RP1: variants seen among roughly 807,000 people sequenced by gnomAD.
RP1 encodes the protein RP1 axonemal microtubule associated.
A neutral mutation model predicts 14.8 loss-of-function variants in RP1; 16 were observed. That is an observed-to-expected ratio of 1.08 (90% CI 0.73 to 1.65). The LOEUF is 1.65. Ranked by LOEUF, RP1 falls within the 40% of genes most tolerant of loss-of-function variation. RP1 has a pLI of 0.00. For missense variants in RP1, 2,631 were observed against 2,535.0 expected, an observed-to-expected ratio of 1.04 and a Z score of -0.81; for synonymous variants, 876 against 883.6, an observed-to-expected ratio of 0.99 and a Z score of 0.15.
intron 3 of RP1, among the ~76,000 whole-genome samples, chr8:54,624,044 T>C (rs1163879907): frequency 2.6e-5 from 4 of 152,218 alleles, no homozygotes; most frequent in Admixed American, 2.6e-4. Context: ...GTTAAAATTC[T>C]CTGAACCTCC....
At chr8:54,760,872 A>AT (rs1215593737) in intron 22 of RP1, among the ~76,000 whole-genome samples, 8 of 151,964 alleles carry the variant, frequency 5.3e-5, no homozygotes, top group African/African-American at 1.9e-4. Context: ...AACTACAAAG[A>AT]TTTTTTCTCT....
At chr8:54,690,317 G>T (rs939472870) in intron 12 of RP1, among the ~76,000 whole-genome samples, 2 of 151,940 alleles carry the variant, frequency 1.3e-5, no homozygotes, top group African/African-American at 4.8e-5. Flanking sequence ...CTCTGTACTT[G>T]GTTCTAATTA....
intron 3 of RP1, among the ~76,000 whole-genome samples, chr8:54,639,288 G>T (rs1290467493): frequency 6.6e-6 from 1 of 152,130 alleles, no homozygotes; most frequent in Non-Finnish European, 1.5e-5. Context: ...GTATTTCATT[G>T]TATGTACATA....
At chr8:54,813,158 C>A (rs6998886) in intron 24 of RP1, among the ~76,000 whole-genome samples, 3 of 152,044 alleles carry the variant, frequency 2.0e-5, no homozygotes, top group Non-Finnish European at 4.4e-5. Context: ...TCGAGCAGTT[C>A]CCGAAGTCTA....
chr8:54,741,707 G>GTATATATA (rs372225314), intron 19 of RP1, among the ~76,000 whole-genome samples: 740 of 57,942 alleles, frequency 0.013, 17 homozygotes, highest in Non-Finnish European at 0.016. Flanking sequence ...AAATGTGTGT[G>GTATATATA]TATATATATA....
At chr8:54,659,918 T>G (rs1208884150) in intron 6 of RP1, among the ~76,000 whole-genome samples, 2 of 152,206 alleles carry the variant, frequency 1.3e-5, no homozygotes, top group African/African-American at 4.8e-5. Context: ...TCACTGTACA[T>G]ATCTTTTGCT....
intron 15 of RP1, among the ~76,000 whole-genome samples, chr8:54,715,292 C>T (rs1321957050): frequency 6.6e-6 from 1 of 152,156 alleles, no homozygotes; most frequent in Non-Finnish European, 1.5e-5. Flanking sequence ...TAGGAAGGCG[C>T]ACCTTTTGCA....
intron 25 of RP1, among the ~76,000 whole-genome samples, chr8:54,840,056 AT>A (rs1371110159): frequency 1.3e-5 from 2 of 152,028 alleles, no homozygotes; most frequent in African/African-American, 2.4e-5. Flanking sequence ...AAGATTTAGA[AT>A]TTTGGTTTCT....
chr8:54,570,477 C>T lies in RP1; in HGVS notation c.-13+11157C>T, dbSNP rs537050678. Among the ~76,000 whole-genome samples, 24 of 151,628 alleles carry T rather than the reference C, an allele frequency of 1.6e-4. No individual in the cohort carries two copies. The East Asian group carries it at 3.9e-3, about 25-fold the overall frequency. The stretch of plus-strand genomic sequence containing the variant: ...CTGAGTAGCTGGGATTACAGGAATG[C>T]GCCACCATGCCCAGCTAATTTTTAT... On this transcript the variant is annotated intron_variant, in intron 1 of 22. Transcript: ENST00000636932.
intron 11 of RP1, chr8:54,679,707 C>T (rs1436845350): frequency 1.3e-6 from 2 of 1,519,608 alleles, no homozygotes; most frequent in African/African-American, 1.4e-5. Context: ...ACAAAACAGC[C>T]TATAGAGTTT....
chr8:54,685,392 T>C (rs1807540484), intron 12 of RP1, among the ~76,000 whole-genome samples: 1 of 152,204 alleles, frequency 6.6e-6, no homozygotes, highest in African/African-American at 2.4e-5. Flanking sequence ...TCTTGATTTC[T>C]GCCTTAATTT....
chr8:54,626,913 T>C lies in RP1; in HGVS notation c.3031T>C (p.Ser1011Pro). Residue 1011 changes from serine (S) to proline (P), a missense_variant, in exon 4 of 4, where the codon TCT (serine) becomes CCT (proline). Transcript: ENST00000220676. Reference protein sequence around the residue: ...EEDLHETQVGSLNDAYLVPLH... With the variant: ...EEDLHETQVGPLNDAYLVPLH... ...AGATCTCCATGAGACACAGGTTGGA[T>C]CTCTGAATGATGCTTATTTGGTTCC... 4.3e-6 allele frequency: 7 copies of C among 1,613,898 alleles called. No individual in the cohort carries two copies. Among genetic ancestry groups the C allele is most frequent in the Non-Finnish European group, 5.9e-6 (7 of 1,179,954 alleles).
At position 54,590,447 on chromosome 8, in the gene RP1, A is replaced by G. The variant is rs112681577; in HGVS notation, c.-12-30508A>G. Among the ~76,000 whole-genome samples the G allele has an allele frequency of 8.1e-3, 1,225 of 152,122 alleles. 10 individuals are homozygous for G. The highest frequency in any genetic ancestry group is 0.027 in the African/African-American group (1,140 of 41,482). On this transcript the variant is annotated intron_variant, in intron 1 of 22. Transcript: ENST00000636932. ...GCACAAGCAGTGATTTATATACCCA[A>G]TCAGGGGTGCTCACCCAGCCTAACC...
intron 24 of RP1, among the ~76,000 whole-genome samples, chr8:54,803,328 C>T (rs1008420093): frequency 3.9e-5 from 6 of 152,110 alleles, no homozygotes; most frequent in African/African-American, 7.2e-5. Context: ...CTGTTGATAA[C>T]ACAATTAGAT....
At chr8:54,737,595 G>A (rs540350006) in intron 18 of RP1, among the ~76,000 whole-genome samples, 2 of 152,180 alleles carry the variant, frequency 1.3e-5, no homozygotes, top group African/African-American at 2.4e-5. Flanking sequence ...GAATAAGGAA[G>A]TGGGGGGAAA....
chr8:54,638,311 A>G (rs1265333471), intron 3 of RP1, among the ~76,000 whole-genome samples: 1 of 151,882 alleles, frequency 6.6e-6, no homozygotes, highest in Admixed American at 6.6e-5. Context: ...GGTGTTGTGC[A>G]CCTGTAATCT....
At chr8:54,845,916 G>A (rs987862352) in intron 25 of RP1, among the ~76,000 whole-genome samples, 3 of 152,148 alleles carry the variant, frequency 2.0e-5, no homozygotes, top group Admixed American at 1.3e-4. Context: ...TGGTCCTAAT[G>A]TTCTATGCAT....
intron 1 of RP1, among the ~76,000 whole-genome samples, chr8:54,578,499 C>T (rs796330234): frequency 1.3e-4 from 20 of 152,236 alleles, no homozygotes; most frequent in African/African-American, 4.1e-4. Context: ...TGAGCCACTG[C>T]ACCTGACCTA....
At chr8:54,850,125 A>T (rs966979442) in intron 25 of RP1, among the ~76,000 whole-genome samples, 4 of 152,210 alleles carry the variant, frequency 2.6e-5, no homozygotes, top group African/African-American at 7.2e-5. Flanking sequence ...TCCAACATAG[A>T]TGGATAACCA....
Sources: gnomAD v4.1 joint callset for allele counts (sites outside exome capture counted in the v4.1 genomes callset) on GRCh38, gnomAD v4.1.1 for gene constraint, MANE v1.5 for transcripts, NCBI Gene and HGNC (gene_info 2026-07-23, HGNC 2026-07-21) for gene names.